The following MTPN variants were observed in gnomAD, a reference collection of about 807,000 sequenced individuals.
MTPN encodes granule cell differentiation protein.
In MTPN, 2 loss-of-function variants were observed where a neutral mutation model predicts 13.5. The ratio of observed to expected loss-of-function variants is 0.15; its 90% CI spans 0.06 to 0.47. The LOEUF (loss-of-function observed/expected upper bound fraction) is 0.47, where lower values mean the gene tolerates loss of function less well. Among genes scored for constraint, MTPN ranks in the 20% least tolerant of loss-of-function variants. The pLI is 0.97. For missense variants in MTPN, 79 were observed against 137.9 expected, an observed-to-expected ratio of 0.57 and a Z score of 2.14; for synonymous variants, 46 against 51.7, an observed-to-expected ratio of 0.89 and a Z score of 0.48.
intron 1 of MTPN, among the ~76,000 whole-genome samples, chr7:135,958,028 A>C (rs1304860720): frequency 2.0e-5 from 3 of 150,564 alleles, no homozygotes; most frequent in Admixed American, 2.0e-4. Context: ...TAACAACCCT[A>C]AACGGACTAA....
At position 135,977,239 on chromosome 7, in the gene MTPN, A is replaced by G. The variant is rs1187538423; in HGVS notation, c.-139T>C. ...AGAAGAGAAGGAGGGTTAGGCTGCCAGGCGGGCGAGGCAGTTGGCCGCGGC... is the reference window on the plus strand; with the variant it reads ...AGAAGAGAAGGAGGGTTAGGCTGCCGGGCGGGCGAGGCAGTTGGCCGCGGC... On this transcript the variant is annotated 5_prime_UTR_variant, in exon 1 of 4. Transcript: ENST00000393085. 2.9e-5 allele frequency: 24 copies of G among 820,394 alleles called. 1 individual carries two copies. The East Asian group carries it at 6.0e-4, about 21-fold the overall frequency. The allele number at this position is 820,394 out of a possible 1,614,324, so 50.8% of individuals were successfully genotyped here.
chr7:135,940,208 A>C (rs1053422257), intron 3 of MTPN, among the ~76,000 whole-genome samples: 1 of 152,198 alleles, frequency 6.6e-6, no homozygotes, highest in Non-Finnish European at 1.5e-5. Flanking sequence ...ATATACTTAA[A>C]TATTACCATA....
At position 135,928,043 on chromosome 7, in the gene MTPN, C is replaced by CCTG; in HGVS notation, c.*1882_*1883insCAG. 5.1e-6 allele frequency: 1 copy of CCTG among 196,968 alleles called. No homozygotes were observed. Among genetic ancestry groups the CCTG allele is most frequent in the Non-Finnish European group, 1.1e-5 (1 of 87,320 alleles). 12.2% of individuals were successfully genotyped at this position (196,968 alleles called of 1,614,324 possible). On this transcript the variant is annotated 3_prime_UTR_variant, in exon 4 of 4. Transcript: ENST00000393085. ...GTTGCACTACGTTGATAGTTATAGA[C>CCTG]TGATAGAGTGCCCTCCATTTTCAAT...
chr7:135,941,756 TGAATA>T (rs1799213339), intron 3 of MTPN, among the ~76,000 whole-genome samples: 1 of 152,176 alleles, frequency 6.6e-6, no homozygotes. Flanking sequence ...ATATTTAACA[TGAATA>T]GAAAGATCAT....
At chr7:135,960,504 T>G (rs1799504130) in intron 1 of MTPN, among the ~76,000 whole-genome samples, 1 of 151,978 alleles carries the variant, frequency 6.6e-6, no homozygotes, top group Non-Finnish European at 1.5e-5. Flanking sequence ...TAGCACACCC[T>G]AAATCTGAAT....
intron 1 of MTPN, among the ~76,000 whole-genome samples, chr7:135,955,211 A>C (rs34005840): frequency 0.013 from 1,958 of 152,318 alleles, 22 homozygotes; most frequent in African/African-American, 0.025. Context: ...GAAAGATTTC[A>C]AATGAATAAT....
At chr7:135,938,032 ATG>A (rs1799144431) in intron 3 of MTPN, among the ~76,000 whole-genome samples, 1 of 152,178 alleles carries the variant, frequency 6.6e-6, no homozygotes, top group Non-Finnish European at 1.5e-5. Context: ...CAAAAATTCT[ATG>A]TGGATTTTTG....
intron 1 of MTPN, among the ~76,000 whole-genome samples, chr7:135,966,815 C>A (rs1184807977): frequency 6.6e-6 from 1 of 152,226 alleles, no homozygotes; most frequent in South Asian, 2.1e-4. Flanking sequence ...GCTTTTGTTG[C>A]GGTGAGCACC....
intron 1 of MTPN, among the ~76,000 whole-genome samples, chr7:135,973,463 C>A (rs553571401): frequency 6.6e-6 from 1 of 150,512 alleles, no homozygotes; most frequent in African/African-American, 2.4e-5. Context: ...AATGGAGACA[C>A]AATAGGAATA....
chr7:135,956,874 T>G (rs1325972150), intron 1 of MTPN, among the ~76,000 whole-genome samples: 2 of 152,296 alleles, frequency 1.3e-5, no homozygotes, highest in East Asian at 3.9e-4. Flanking sequence ...TTCTCTTTCC[T>G]CCCTTCCAGG....
intron 1 of MTPN, among the ~76,000 whole-genome samples, chr7:135,954,069 C>A (rs762183314): frequency 6.6e-6 from 1 of 152,122 alleles, no homozygotes; most frequent in Non-Finnish European, 1.5e-5. Context: ...AGTTGTGGGA[C>A]CAGAGACCAG....
intron 1 of MTPN, among the ~76,000 whole-genome samples, chr7:135,972,231 G>GCGCGCACACACACACACACACA (rs779296906): frequency 4.8e-5 from 6 of 124,700 alleles, no homozygotes; most frequent in African/African-American, 1.8e-4. Context: ...GCACGCGCGC[G>GCGCGCACACACACACACACACA]CACACACACA....
At chr7:135,962,281 GT>G (rs1468313713) in intron 1 of MTPN, among the ~76,000 whole-genome samples, 2 of 151,384 alleles carry the variant, frequency 1.3e-5, no homozygotes, top group African/African-American at 4.9e-5. Context: ...TACCAAAAGC[GT>G]TAGCACAAAG....
intron 1 of MTPN, among the ~76,000 whole-genome samples, chr7:135,954,727 G>A (rs942882205): frequency 6.6e-6 from 1 of 152,160 alleles, no homozygotes; most frequent in Non-Finnish European, 1.5e-5. Context: ...AGGATCACGA[G>A]GTCAGGAGAT....
intron 1 of MTPN, among the ~76,000 whole-genome samples, chr7:135,975,812 A>T (rs1255535097): frequency 6.6e-6 from 1 of 152,222 alleles, no homozygotes; most frequent in Admixed American, 6.5e-5. Flanking sequence ...CACTGCAAAA[A>T]ACTAAGCAGG....
At chr7:135,933,098 C>CA (rs56865854) in intron 3 of MTPN, among the ~76,000 whole-genome samples, 8,962 of 62,444 alleles carry the variant, frequency 0.14, 811 homozygotes, top group East Asian at 0.2. Context: ...CACTCAGCCT[C>CA]AAAAAAAAAA....
intron 1 of MTPN, among the ~76,000 whole-genome samples, chr7:135,953,801 CT>C (rs1317896475): frequency 1.3e-5 from 2 of 151,928 alleles, no homozygotes; most frequent in African/African-American, 4.8e-5. Flanking sequence ...AAGCATTTTC[CT>C]ACCTGAAATA....
chr7:135,967,067 T>C (rs80136370), intron 1 of MTPN, among the ~76,000 whole-genome samples: 12,027 of 152,170 alleles, frequency 0.079, 535 homozygotes, highest in Admixed American at 0.1. Context: ...TATTTATAAA[T>C]GCACCTTGGT....
At chr7:135,947,702 C>T (rs1799306683) in intron 3 of MTPN, among the ~76,000 whole-genome samples, 1 of 152,060 alleles carries the variant, frequency 6.6e-6, no homozygotes, top group Non-Finnish European at 1.5e-5. Context: ...CTGAATCCTA[C>T]ATCTTGGAAC....
Sources: allele counts gnomAD v4.1 joint callset (sites outside exome capture counted in the v4.1 genomes callset), GRCh38; gene constraint gnomAD v4.1.1; transcripts MANE v1.5; gene names NCBI Gene and HGNC (gene_info 2026-07-23, HGNC 2026-07-21).